Variants in EREG observed in about 807,000 individuals in gnomAD.
EREG encodes epiregulin, also known as proepiregulin.
Under a neutral mutation model 22.4 loss-of-function variants are expected in EREG, and 23 were observed. The observed-to-expected ratio is 1.03, with a 90% CI of 0.74 to 1.46. The LOEUF (loss-of-function observed/expected upper bound fraction) is 1.46. Among genes scored for constraint, EREG ranks in the 40% most tolerant of loss-of-function variants. The pLI, the probability that EREG is intolerant of heterozygous loss-of-function variation, is 0.00. For missense variants in EREG, 226 were observed against 205.9 expected (o/e 1.10, Z -0.60); for synonymous variants, 100 against 75.4 (o/e 1.33, Z -1.69).
At position 74,365,254 on chromosome 4, in the gene EREG, C is replaced by G. The variant is rs531290752; in HGVS notation, c.-55C>G. The G allele has an allele frequency of 9.0e-5, 130 of 1,438,730 alleles. No individual in the cohort carries two copies. The East Asian group carries it at 1.8e-3, about 20-fold the overall frequency. 89.1% of individuals were successfully genotyped at this position (1,438,730 alleles called of 1,614,324 possible). A position where few individuals can be genotyped will look rare whatever the true frequency, so the allele number is the denominator to read the frequency against. ...CGAGCCCGTCTGCTCCCGCCCTGCC[C>G]GTGCACTCTCCGCAGCCGCCCTCCG... On this transcript the variant is annotated 5_prime_UTR_variant, in exon 1 of 5. Coordinates refer to ENST00000244869, the MANE Select transcript of EREG (RefSeq NM_001432.3).
intron 1 of EREG, among the ~76,000 whole-genome samples, chr4:74,376,502 T>C (rs1752384557): frequency 6.6e-6 from 1 of 152,224 alleles, no homozygotes; most frequent in African/African-American, 2.4e-5. Flanking sequence ...TAAAACAAAA[T>C]TGACTTGAAT....
At position 74,375,372 on chromosome 4, in the gene EREG, G is replaced by A. The variant is rs529946205; in HGVS notation, c.68-4076G>A. Among the ~76,000 whole-genome samples the A allele has an allele frequency of 6.3e-5, 8 of 127,584 alleles. No homozygotes were observed. The South Asian group carries it at 1.8e-3, about 29-fold the overall frequency. The allele number at this position is 127,584 out of a possible 152,430, so 83.7% of individuals were successfully genotyped here. On this transcript the variant is annotated intron_variant, in intron 1 of 4. Coordinates refer to ENST00000244869, the MANE Select transcript of EREG (RefSeq NM_001432.3). ...CTTCCTCTGTCGCCCAGGCTGGAGT[G>A]CAGTGGCGCGATCTCCGCTCCCTGC...
rs1260133586 is a variant in EREG, at chr4:74,388,306, A to C, written c.*3498A>C. 2 of 152,136 alleles carry C rather than the reference A, an allele frequency of 1.3e-5. No homozygotes were observed. Among genetic ancestry groups the C allele is most frequent in the African/African-American group, 4.8e-5 (2 of 41,430 alleles). 9.4% of individuals were successfully genotyped at this position (152,136 alleles called of 1,614,324 possible). ...TAAAAAATTCTTGTTCATATGGGAG[A>C]AGGGGGAGTAATGACTTGTACAAAC... On this transcript the variant is annotated 3_prime_UTR_variant, in exon 5 of 5. Coordinates refer to ENST00000244869, the MANE Select transcript of EREG (RefSeq NM_001432.3).
At chr4:74,383,239 A>G (rs1044852514) in intron 4 of EREG, among the ~76,000 whole-genome samples, 1 of 152,146 alleles carries the variant, frequency 6.6e-6, no homozygotes, top group Non-Finnish European at 1.5e-5. Flanking sequence ...TTTAGTATGT[A>G]ATATGATATT....
chr4:74,371,800 C>T (rs1752295451), intron 1 of EREG, among the ~76,000 whole-genome samples: 1 of 151,768 alleles, frequency 6.6e-6, no homozygotes, highest in South Asian at 2.1e-4. Context: ...GCCCAAATGC[C>T]ACCACAAGCC....
At chr4:74,372,876 C>T (rs534924361) in intron 1 of EREG, among the ~76,000 whole-genome samples, 10 of 141,934 alleles carry the variant, frequency 7.0e-5, no homozygotes, top group African/African-American at 1.3e-4. Flanking sequence ...GGGGTGATCT[C>T]GGCTCACTGC....
chr4:74,380,237 T>G (rs1421906640), intron 2 of EREG, among the ~76,000 whole-genome samples: 1 of 151,156 alleles, frequency 6.6e-6, no homozygotes, highest in Non-Finnish European at 1.5e-5. Context: ...GTCAGCCTCC[T>G]CCGCAGGTTT....
intron 1 of EREG, among the ~76,000 whole-genome samples, chr4:74,375,304 T>G (rs1201894990): frequency 9.6e-6 from 1 of 104,592 alleles, no homozygotes. Context: ...TGACTAGCGA[T>G]TCTTTTTTTT....
At position 74,387,821 on chromosome 4, in the gene EREG, T is replaced by C. The variant is rs1189443994; in HGVS notation, c.*3013T>C. On this transcript the variant is annotated 3_prime_UTR_variant, in exon 5 of 5. Coordinates refer to ENST00000244869, the MANE Select transcript of EREG (RefSeq NM_001432.3). The stretch of plus-strand genomic sequence containing the variant: ...TTTATGGTCTTCAACCAAGGCCACA[T>C]AATAACCCAGTTAACTTACTCTTTA... 1 of 152,240 alleles carries C rather than the reference T, an allele frequency of 6.6e-6. No individual in the cohort carries two copies. The highest frequency in any genetic ancestry group is 2.4e-5 in the African/African-American group (1 of 41,458). The allele number at this position is 152,240 out of a possible 1,614,324, so 9.4% of individuals were successfully genotyped here.
intron 1 of EREG, among the ~76,000 whole-genome samples, chr4:74,374,104 T>C (rs1000997664): frequency 9.9e-5 from 15 of 152,244 alleles, no homozygotes; most frequent in African/African-American, 3.6e-4. Flanking sequence ...GCTATGTGTT[T>C]GGGCTGGACA....
chr4:74,369,808 C>T (rs1156859951), intron 1 of EREG, among the ~76,000 whole-genome samples: 1 of 151,434 alleles, frequency 6.6e-6, no homozygotes, highest in Non-Finnish European at 1.5e-5. Context: ...CTCTGAGCCT[C>T]AGTTTTCTCA....
chr4:74,370,153 C>A (rs1411442679), intron 1 of EREG, among the ~76,000 whole-genome samples: 1 of 152,148 alleles, frequency 6.6e-6, no homozygotes, highest in African/African-American at 2.4e-5. Flanking sequence ...GAAAAAGGAG[C>A]CACTTCCTTA....
chr4:74,377,987 G>A (rs1202715913), intron 1 of EREG, among the ~76,000 whole-genome samples: 4 of 152,184 alleles, frequency 2.6e-5, no homozygotes, highest in Admixed American at 2.6e-4. Flanking sequence ...ACATGTTCAA[G>A]AGATGGATCG....
chr4:74,387,252 A>G lies in EREG; in HGVS notation c.*2444A>G, dbSNP rs1033314763. On this transcript the variant is annotated 3_prime_UTR_variant, in exon 5 of 5. Transcript: ENST00000244869. ...ATCTGGGAATCAGTCCCCTGTGGAT[A>G]CCAAGGTACAACTGTATTTATTAAC... is the stretch of plus-strand genomic sequence containing the variant. 1 of 152,074 alleles carries G rather than the reference A, an allele frequency of 6.6e-6. No individual in the cohort carries two copies. Among genetic ancestry groups the G allele is most frequent in the Non-Finnish European group, 1.5e-5 (1 of 68,016 alleles). The allele number at this position is 152,074 out of a possible 1,614,324, so 9.4% of individuals were successfully genotyped here.
intron 1 of EREG, among the ~76,000 whole-genome samples, chr4:74,370,992 T>C (rs1366435386): frequency 6.6e-6 from 1 of 152,162 alleles, no homozygotes; most frequent in Non-Finnish European, 1.5e-5. Context: ...GGCTGTCCTA[T>C]GCATTGCAGG....
At chr4:74,378,292 C>T (rs892242612) in intron 1 of EREG, among the ~76,000 whole-genome samples, 2 of 152,146 alleles carry the variant, frequency 1.3e-5, no homozygotes, top group Non-Finnish European at 2.9e-5. Flanking sequence ...AGTTATCACG[C>T]ACCCTAGGCC....
chr4:74,373,156 A>G (rs1752321393), intron 1 of EREG, among the ~76,000 whole-genome samples: 1 of 151,956 alleles, frequency 6.6e-6, no homozygotes, highest in Admixed American at 6.6e-5. Context: ...TGAACAAGAT[A>G]TACATCTTTA....
At chr4:74,367,528 A>G (rs1311915817) in intron 1 of EREG, among the ~76,000 whole-genome samples, 1 of 152,178 alleles carries the variant, frequency 6.6e-6, no homozygotes, top group Non-Finnish European at 1.5e-5. Context: ...ATTTTTATTC[A>G]TGCCTACATG....
chr4:74,388,617 A>G lies in EREG; in HGVS notation c.*3809A>G, dbSNP rs1483505264. On this transcript the variant is annotated 3_prime_UTR_variant, in exon 5 of 5. Transcript: ENST00000244869. The stretch of plus-strand genomic sequence containing the variant: ...TTGTTTGTGTTCAATATCAGCTTTG[A>G]TAATTGTGTACCTTAAGATATTGAA... The G allele has an allele frequency of 6.6e-6, 1 of 152,622 alleles. No individual in the cohort carries two copies. The highest frequency in any genetic ancestry group is 1.5e-5 in the Non-Finnish European group (1 of 68,030). 9.5% of individuals were successfully genotyped at this position (152,622 alleles called of 1,614,324 possible).
Sources: gnomAD v4.1 joint callset for allele counts (sites outside exome capture counted in the v4.1 genomes callset) on GRCh38, gnomAD v4.1.1 for gene constraint, MANE v1.5 for transcripts, NCBI Gene and HGNC (gene_info 2026-07-23, HGNC 2026-07-21) for gene names.